PFDN5: variants seen among roughly 807,000 people sequenced by gnomAD.
PFDN5 encodes the protein c-myc binding protein.
PFDN5 carries 13 observed loss-of-function variants against 21.5 expected under a neutral mutation model. The observed-to-expected ratio is 0.60, with a 90% CI of 0.39 to 0.96. PFDN5 has a LOEUF of 0.96. Among genes scored for constraint, PFDN5 ranks in the 40% least tolerant of loss-of-function variants. The probability of loss-of-function intolerance (pLI) is 0.00; values close to 1 mark genes in which losing one functional copy is unlikely to be tolerated. For synonymous variants in PFDN5, 84 were observed against 68.9 expected, an observed-to-expected ratio of 1.22 and a Z score of -1.08; for missense variants, 188 against 186.2, an observed-to-expected ratio of 1.01 and a Z score of -0.06.
chr12:53,298,039 T>C lies in PFDN5; in HGVS notation c.283-6T>C. Reference sequence around the variant, plus strand: ...TTTAGCCCCTTATTCACCTCTGATCTTGTAGACAGCTGAGGATGCCAAGGA... The same window carrying C: ...TTTAGCCCCTTATTCACCTCTGATCCTGTAGACAGCTGAGGATGCCAAGGA... On this transcript the variant is annotated splice_region_variant and splice_polypyrimidine_tract_variant and intron_variant, in intron 4 of 5. Coordinates refer to ENST00000334478, the MANE Select transcript of PFDN5 (RefSeq NM_002624.4). The C allele has an allele frequency of 3.7e-6, 6 of 1,605,522 alleles. No homozygotes were observed. The highest frequency in any genetic ancestry group is 5.1e-6 in the Non-Finnish European group (6 of 1,172,236).
chr12:53,295,870 A>T lies in PFDN5; in HGVS notation c.104A>T (p.Gln35Leu). 6.2e-7 allele frequency: 1 copy of T among 1,610,210 alleles called. No individual in the cohort carries two copies. The highest frequency in any genetic ancestry group is 1.1e-5 in the South Asian group (1 of 91,000). ...EVEFLSTSIA[Q>L]LKVVQTKYVE... ...GAGTTCTTGTCCACGTCCATTGCTC[A>T]GCTCAAAGTGGTACAGACCAAGTAT... The change falls in exon 2 of 6, where the codon CAG (glutamine) becomes CTG (leucine). Residue 35 changes from glutamine (Q) to leucine (L), a missense_variant. Transcript: ENST00000334478.
rs1210689686 is a variant in PFDN5, at chr12:53,299,273, C to T, written c.393C>T (p.Val131=). The T allele has an allele frequency of 1.2e-6, 2 of 1,609,980 alleles. No homozygotes were observed. Among genetic ancestry groups the T allele is most frequent in the Admixed American group, 1.7e-5 (1 of 59,986 alleles). Residue 131 remains valine (V), a synonymous_variant, in exon 6 of 6, where the codon GTC becomes GTT. Transcript: ENST00000334478. ...LQEKHAMKQA[V]MEMMSQKIQQ... is the part of the protein sequence containing the mutation. The stretch of plus-strand genomic sequence containing the variant: ...GACTCTTATTTTTTTCCACAGCCGT[C>T]ATGGAAATGATGAGTCAGAAGATTC...
intron 2 of PFDN5, 40 bp from the exon 3 acceptor site, chr12:53,296,204 G>A: frequency 6.3e-7 from 1 of 1,594,178 alleles, no homozygotes. Flanking sequence ...CGTTGGAGCC[G>A]CTAACCTTCC....
At chr12:53,297,547 C>CATT (rs35056696) in intron 3 of PFDN5, 339,255 of 348,406 alleles carry the variant, frequency 0.97, 165,839 homozygotes, top group East Asian at 1. Flanking sequence ...AGTAGGAAAA[C>CATT]ATGTCTAGTC....
At chr12:53,296,420 C>CT in intron 3 of PFDN5, 145 bp downstream of exon 3, 1 of 721,438 alleles carries the variant, frequency 1.4e-6, no homozygotes, top group African/African-American at 1.8e-5. Context: ...TTTTTTCTTT[C>CT]TTTTTTGAGA....
In PFDN5 at chr12:53,296,323, TTCACTCCCCCAA is replaced by T. The variant is rs770302003; in HGVS notation, c.207+49_207+60del. ...TACCTGCTGCCTTCTCCCTTTCTCC[TTCACTCCCCCAA>T]AAAGCGGGGAGGGGGATTGTTTTGA... On this transcript the variant is annotated intron_variant, in intron 3 of 5. Coordinates refer to ENST00000334478, the MANE Select transcript of PFDN5 (RefSeq NM_002624.4). The T allele has an allele frequency of 8.8e-6, 13 of 1,484,544 alleles. No individual in the cohort carries two copies. In the African/African-American group the frequency reaches 1.8e-4, roughly 21 times the overall value. The allele number at this position is 1,484,544 out of a possible 1,614,324, so 92.0% of individuals were successfully genotyped here.
intron 3 of PFDN5, 126 bp downstream of exon 3, chr12:53,296,401 A>T (rs1473329838): frequency 1.6e-5 from 10 of 638,658 alleles, no homozygotes; most frequent in South Asian, 1.2e-4. Context: ...TTTTGAGGAT[A>T]CCCTTTTTTT....
chr12:53,297,484 T>TG (rs1271464686), intron 3 of PFDN5: 1 of 200,584 alleles, frequency 5.0e-6, no homozygotes, highest in Non-Finnish European at 1.0e-5. Context: ...TACTTCATGA[T>TG]TGAGGGCATT....
chr12:53,296,400 T>G (rs1565770273), intron 3 of PFDN5, 125 bp downstream of exon 3: 1 of 663,972 alleles, frequency 1.5e-6, no homozygotes, highest in South Asian at 1.6e-5. Context: ...ATTTTGAGGA[T>G]ACCCTTTTTT....
chr12:53,295,756 G>C (rs1384484434), intron 1 of PFDN5, 83 bp from the exon 2 acceptor site: 2 of 1,267,880 alleles, frequency 1.6e-6, no homozygotes, highest in African/African-American at 1.5e-5. Flanking sequence ...ACCTCTATCC[G>C]ATCCCAGGAC....
At chr12:53,298,774 A>C (rs1185656838) in intron 5 of PFDN5, 1 of 157,036 alleles carries the variant, frequency 6.4e-6, no homozygotes, top group East Asian at 1.9e-4. Flanking sequence ...CTGTGTTAGC[A>C]TATTGACCGA....
In PFDN5 at chr12:53,296,662, C is replaced by A. The variant is rs150907935; in HGVS notation, c.207+387C>A. 948 of 339,572 alleles carry A rather than the reference C, an allele frequency of 2.8e-3. 11 individuals carry two copies. Among genetic ancestry groups the A allele is most frequent in the African/African-American group, 0.019 (879 of 45,692 alleles). The allele number at this position is 339,572 out of a possible 1,614,324, so 21.0% of individuals were successfully genotyped here. ...TGACCTCGTGATCCGCCTGCCTCGGCCTCCCAAAGTGCTAGGATTACATTA... is the reference window on the plus strand; with the variant it reads ...TGACCTCGTGATCCGCCTGCCTCGGACTCCCAAAGTGCTAGGATTACATTA... On this transcript the variant is annotated intron_variant, in intron 3 of 5. Transcript: ENST00000334478.
At chr12:53,295,735 TC>T in intron 1 of PFDN5, 96 bp downstream of exon 1, 1 of 1,328,228 alleles carries the variant, frequency 7.5e-7, no homozygotes, top group African/African-American at 1.4e-5. Context: ...AGCCTACCTT[TC>T]CCAGGCGAAA....
intron 5 of PFDN5, chr12:53,298,950 C>T (rs1269987178): frequency 4.2e-6 from 1 of 239,872 alleles, no homozygotes; most frequent in African/African-American, 2.3e-5. Flanking sequence ...AGCCTGGCCA[C>T]CATGGTGAAA....
At chr12:53,296,345 AGG>A (rs1368059725) in intron 3 of PFDN5, 70 bp downstream of exon 3, 6 of 1,213,938 alleles carry the variant, frequency 4.9e-6, no homozygotes, top group Admixed American at 1.8e-5. Context: ...AAAAGCGGGG[AGG>A]GGGATTGTTT....
chr12:53,298,094 C>G lies in PFDN5; in HGVS notation c.332C>G (p.Thr111Ser), dbSNP rs1377910440. The change falls in exon 5 of 6, where the codon ACC becomes AGC. Residue 111 changes from threonine to serine, a missense_variant. Transcript: ENST00000334478. The stretch of plus-strand genomic sequence containing the variant: ...TTCAAGAGGAAGATAGATTTTCTAA[C>G]CAAGCAGATGGAGAAAATCCAACCA... The part of the protein sequence containing the change: ...DFFKRKIDFL[T>S]KQMEKIQPAL... 6.2e-7 allele frequency: 1 copy of G among 1,613,894 alleles called. No homozygotes were observed. Among genetic ancestry groups the G allele is most frequent in the Admixed American group, 1.7e-5 (1 of 60,002 alleles).
Position 53,297,802 on chromosome 12 carries a change from T to C in PFDN5, c.208-48T>C. ...CCAAGCAGGCTGGCTGGCGGAATCA[T>C]GGCTCATGCTGGGCTGGCTAGTTTT... On this transcript the variant is annotated intron_variant, in intron 3 of 5. Transcript: ENST00000334478. The C allele has an allele frequency of 2.1e-6, 3 of 1,412,988 alleles. 1 individual carries two copies. The East Asian group carries it at 6.8e-5, about 32-fold the overall frequency. The allele number at this position is 1,412,988 out of a possible 1,614,324, so 87.5% of individuals were successfully genotyped here.
chr12:53,297,490 G>A, intron 3 of PFDN5: 1 of 211,528 alleles, frequency 4.7e-6, no homozygotes, highest in East Asian at 1.2e-4. Context: ...ATGATTGAGG[G>A]CATTAAGGGA....
chr12:53,295,601 CT>C lies in PFDN5; in HGVS notation c.35del (p.Leu12ArgfsTer4), dbSNP rs1366049388. ...AQSINITELN[L>X]PQLEMLKNQL... is the part of the protein sequence containing the mutation. ...GTCTATTAACATCACGGAGCTGAAT[CT>C]GCCGCAGCTAGAAATGCTCAAGAAC... On this transcript the variant is annotated frameshift_variant, in exon 1 of 6. Coordinates refer to ENST00000334478, the MANE Select transcript of PFDN5 (RefSeq NM_002624.4). LOFTEE classifies it high-confidence loss of function. 16 of 1,613,978 alleles carry C rather than the reference CT, an allele frequency of 9.9e-6. No homozygotes were observed. The highest frequency in any genetic ancestry group is 1.3e-5 in the African/African-American group (1 of 74,924).
Sources: gnomAD v4.1 joint callset for allele counts on GRCh38, gnomAD v4.1.1 for gene constraint, MANE v1.5 for transcripts, NCBI Gene and HGNC (gene_info 2026-07-23, HGNC 2026-07-21) for gene names.